The following MEIKIN variants were observed in gnomAD, a reference collection of about 807,000 sequenced individuals.
MEIKIN encodes the protein meiosis-specific kinetochore protein.
intron 11 of MEIKIN, among the ~76,000 whole-genome samples, chr5:131,834,186 A>G (rs1749760417): frequency 6.6e-6 from 1 of 152,162 alleles, no homozygotes; most frequent in Non-Finnish European, 1.5e-5. Context: ...TATAATCACC[A>G]TTTTATTTTT....
At chr5:131,845,535 A>T (rs1439259862) in intron 11 of MEIKIN, among the ~76,000 whole-genome samples, 1 of 151,716 alleles carries the variant, frequency 6.6e-6, no homozygotes, top group Non-Finnish European at 1.5e-5. Context: ...AACTAAAGGA[A>T]GATGTGAAAA....
rs531706029 is a variant in MEIKIN, at chr5:131,937,541, C to A, written c.350-3900G>T. On this transcript the variant is annotated intron_variant, in intron 4 of 12. Transcript: ENST00000442687. ...TCATTTTCAGTCCTGCTTGGAGTCACCTTTCCCCCGAGAAAGGCTCGTTAT... is the reference window on the plus strand; with the variant it reads ...TCATTTTCAGTCCTGCTTGGAGTCAACTTTCCCCCGAGAAAGGCTCGTTAT... Among the ~76,000 whole-genome samples, 6 of 152,008 alleles carry A rather than the reference C, an allele frequency of 3.9e-5. No individual in the cohort carries two copies. The East Asian group carries it at 1.2e-3, about 29-fold the overall frequency.
intron 8 of MEIKIN, among the ~76,000 whole-genome samples, chr5:131,907,099 A>G (rs1751255199): frequency 6.6e-6 from 1 of 152,202 alleles, no homozygotes; most frequent in Admixed American, 6.5e-5. Context: ...CTAGTGAGTC[A>G]ATGAAGAATT....
chr5:131,819,667 T>C (rs1749450269), intron 11 of MEIKIN, among the ~76,000 whole-genome samples: 1 of 149,320 alleles, frequency 6.7e-6, no homozygotes, highest in African/African-American at 2.5e-5. Context: ...TGGTGTGATC[T>C]CGGCTCAAAG....
At chr5:131,848,638 G>A (rs1457105744) in intron 11 of MEIKIN, among the ~76,000 whole-genome samples, 1 of 152,106 alleles carries the variant, frequency 6.6e-6, no homozygotes. Flanking sequence ...TTTCCAAGAA[G>A]AGAAAGGAAT....
chr5:131,831,737 G>A (rs1196244974), intron 11 of MEIKIN, among the ~76,000 whole-genome samples: 1 of 152,164 alleles, frequency 6.6e-6, no homozygotes, highest in African/African-American at 2.4e-5. Context: ...AGTGCCACAT[G>A]GCTGGGGAGG....
At chr5:131,831,179 T>C (rs960954986) in intron 11 of MEIKIN, among the ~76,000 whole-genome samples, 2 of 152,226 alleles carry the variant, frequency 1.3e-5, no homozygotes, top group African/African-American at 4.8e-5. Flanking sequence ...ATTACAGGCA[T>C]GAGTTGAAGA....
intron 8 of MEIKIN, among the ~76,000 whole-genome samples, chr5:131,895,974 T>A (rs564209456): frequency 1.1e-4 from 16 of 152,214 alleles, no homozygotes; most frequent in Non-Finnish European, 2.4e-4. Context: ...TTAATTGTGA[T>A]GTTAGGGTGT....
At chr5:131,929,516 A>C (rs940825989) in intron 5 of MEIKIN, among the ~76,000 whole-genome samples, 3 of 152,064 alleles carry the variant, frequency 2.0e-5, no homozygotes, top group Admixed American at 2.0e-4. Flanking sequence ...CATAATGCTA[A>C]ATGACCTTTA....
rs572301979 is a variant in MEIKIN, at chr5:131,909,051, T to C, written c.703+2764A>G. Among the ~76,000 whole-genome samples, 7 of 152,202 alleles carry C rather than the reference T, an allele frequency of 4.6e-5. No homozygotes were observed. The South Asian group carries it at 1.2e-3, about 27-fold the overall frequency. On this transcript the variant is annotated intron_variant, in intron 8 of 12. Transcript: ENST00000442687. ...ATCCCTATCAAAATATCAATGAAAT[T>C]CTTCATACAAATAAAGTACTAAAAT...
At chr5:131,826,929 A>G (rs1394605519) in intron 11 of MEIKIN, among the ~76,000 whole-genome samples, 1 of 152,234 alleles carries the variant, frequency 6.6e-6, no homozygotes, top group African/African-American at 2.4e-5. Context: ...ATACAATGAT[A>G]AGAAACAAAA....
intron 8 of MEIKIN, among the ~76,000 whole-genome samples, chr5:131,902,580 C>A (rs1355402438): frequency 6.6e-6 from 1 of 152,052 alleles, no homozygotes; most frequent in South Asian, 2.1e-4. Context: ...GAACCATGAG[C>A]CAATTAAGCC....
chr5:131,934,241 G>A (rs1751737097), intron 4 of MEIKIN, among the ~76,000 whole-genome samples: 1 of 151,874 alleles, frequency 6.6e-6, no homozygotes, highest in East Asian at 1.9e-4. Flanking sequence ...GATTATAGGC[G>A]TGAGCCACCG....
chr5:131,844,066 G>A (rs926124228), intron 11 of MEIKIN, among the ~76,000 whole-genome samples: 6 of 152,058 alleles, frequency 3.9e-5, no homozygotes, highest in African/African-American at 1.4e-4. Context: ...TCTTCATGTG[G>A]CAACAGGAGA....
Position 131,942,675 on chromosome 5 carries a change from G to C in MEIKIN, c.309C>G (p.Leu103=). 2.5e-6 allele frequency: 1 copy of C among 398,482 alleles called. No individual in the cohort carries two copies. Among genetic ancestry groups the C allele is most frequent in the Non-Finnish European group, 4.4e-6 (1 of 225,774 alleles). 24.7% of individuals were successfully genotyped at this position (398,482 alleles called of 1,614,324 possible). A position where few individuals can be genotyped will look rare whatever the true frequency, so the allele number is the denominator to read the frequency against. ...TATTTGATGAACTACTATCAACCTGGAGGTCATCAGTAACTGATTCCTAAG... is the reference window on the plus strand; with the variant it reads ...TATTTGATGAACTACTATCAACCTGCAGGTCATCAGTAACTGATTCCTAAG... The part of the protein sequence containing the change: ...ASLRESVTDD[L]QVDSSSSNSE... The change falls in exon 4 of 13, where the codon CTC becomes CTG. Residue 103 remains leucine, a synonymous_variant. Transcript: ENST00000442687.
intron 5 of MEIKIN, among the ~76,000 whole-genome samples, chr5:131,924,159 T>C (rs1281232350): frequency 1.3e-5 from 2 of 152,130 alleles, no homozygotes; most frequent in African/African-American, 4.8e-5. Flanking sequence ...AATTGCAGGA[T>C]TTCTTTCTTA....
At chr5:131,855,066 AGAATACCTTGGTTGAAAT>A (rs1039085749) in intron 9 of MEIKIN, among the ~76,000 whole-genome samples, 3 of 152,222 alleles carry the variant, frequency 2.0e-5, no homozygotes, top group Admixed American at 6.5e-5. Context: ...CAACTATATG[AGAATACCTTGGTTGAAAT>A]GAATACCTTG....
rs191461556 is a variant in MEIKIN, at chr5:131,927,420, A to G, written c.479-5479T>C. 2.0e-5 allele frequency among the ~76,000 whole-genome samples: 3 copies of G among 152,314 alleles called. No individual in the cohort carries two copies. In the East Asian group the frequency reaches 5.8e-4, roughly 29 times the overall value. The stretch of plus-strand genomic sequence containing the variant: ...ATGGAGAATGTCCTATCTGTGCATG[A>G]GAGAAATATATATTCTGCCACTGTC... On this transcript the variant is annotated intron_variant, in intron 5 of 12. Coordinates refer to ENST00000442687, the MANE Select transcript of MEIKIN (RefSeq NM_001303622.2).
intron 11 of MEIKIN, among the ~76,000 whole-genome samples, chr5:131,820,832 T>C (rs1428177670): frequency 2.0e-5 from 3 of 152,204 alleles, no homozygotes; most frequent in Non-Finnish European, 2.9e-5. Context: ...TAATGATCCT[T>C]TGAATTTCTG....
Sources: allele counts gnomAD v4.1 joint callset (sites outside exome capture counted in the v4.1 genomes callset), GRCh38; gene constraint gnomAD v4.1.1; transcripts MANE v1.5; gene names NCBI Gene and HGNC (gene_info 2026-07-23, HGNC 2026-07-21).